The following DENND2B variants were observed in gnomAD, a reference collection of about 807,000 sequenced individuals.
DENND2B encodes the protein DENN domain containing 2B.
DENND2B carries 32 observed loss-of-function variants against 116.0 expected under a neutral mutation model. That is an observed-to-expected ratio of 0.28 (90% CI 0.21 to 0.37). The LOEUF (loss-of-function observed/expected upper bound fraction) is 0.37, where lower values mean the gene tolerates loss of function less well. Ranked by LOEUF, DENND2B falls within the 10% of genes least tolerant of loss-of-function variation. The pLI, the probability that DENND2B is intolerant of heterozygous loss-of-function variation, is 1.00. For missense variants in DENND2B, 1,276 were observed against 1,477.7 expected (o/e 0.86, Z 2.24); for synonymous variants, 588 against 583.9 (o/e 1.01, Z -0.10).
chr11:8,790,708 G>A (rs1365416486), intron 1 of DENND2B, among the ~76,000 whole-genome samples: 2 of 152,178 alleles, frequency 1.3e-5, no homozygotes, highest in Admixed American at 6.5e-5. Context: ...GGTAGAGGCT[G>A]CAGTGAGGTG....
chr11:8,878,590 T>C (rs1313712047), intron 2 of DENND2B, among the ~76,000 whole-genome samples: 2 of 152,102 alleles, frequency 1.3e-5, no homozygotes, highest in African/African-American at 4.8e-5. Flanking sequence ...GGTTTCACCA[T>C]GTTGGCCAAG....
chr11:8,729,353 C>T (rs944925385), intron 3 of DENND2B, among the ~76,000 whole-genome samples: 4 of 152,168 alleles, frequency 2.6e-5, no homozygotes, highest in African/African-American at 7.2e-5. Context: ...AGGAAACCAA[C>T]GTGAGCCTCG....
intron 3 of DENND2B, among the ~76,000 whole-genome samples, chr11:8,728,175 T>G (rs930088205): frequency 1.3e-5 from 2 of 152,108 alleles, no homozygotes; most frequent in African/African-American, 4.8e-5. Flanking sequence ...GCTAATTTTT[T>G]AAATTTTTTG....
intron 1 of DENND2B, among the ~76,000 whole-genome samples, chr11:8,755,918 C>T (rs1184853608): frequency 6.6e-6 from 1 of 152,158 alleles, no homozygotes; most frequent in Non-Finnish European, 1.5e-5. Flanking sequence ...CCTGTATCAG[C>T]CCAGTGCCAA....
intron 1 of DENND2B, among the ~76,000 whole-genome samples, chr11:8,761,864 T>C (rs1593293937): frequency 6.6e-6 from 1 of 152,184 alleles, no homozygotes; most frequent in African/African-American, 2.4e-5. Flanking sequence ...TTACGGAGAC[T>C]ACTCCACCTC....
At chr11:8,827,108 C>A (rs1320337858) in intron 4 of DENND2B, among the ~76,000 whole-genome samples, 1 of 152,202 alleles carries the variant, frequency 6.6e-6, no homozygotes, top group Non-Finnish European at 1.5e-5. Flanking sequence ...TACTTGAGCA[C>A]CACTTAGCCT....
chr11:8,742,021 G>A (rs933078818), intron 2 of DENND2B, among the ~76,000 whole-genome samples: 1 of 152,244 alleles, frequency 6.6e-6, no homozygotes, highest in Non-Finnish European at 1.5e-5. Flanking sequence ...CTCGTGAGTA[G>A]CTGGGAGCAC....
At chr11:8,713,456 T>C (rs1033269800) in intron 8 of DENND2B, among the ~76,000 whole-genome samples, 1 of 152,112 alleles carries the variant, frequency 6.6e-6, no homozygotes, top group African/African-American at 2.4e-5. Flanking sequence ...CTCAGCTCAC[T>C]ACAACCTCCG....
At chr11:8,898,002 G>T (rs564103650) in intron 1 of DENND2B, among the ~76,000 whole-genome samples, 12 of 152,250 alleles carry the variant, frequency 7.9e-5, no homozygotes, top group African/African-American at 2.9e-4. Context: ...TCAAGCTGTT[G>T]GTATCATGCA....
chr11:8,830,258 T>C (rs1266330890), intron 4 of DENND2B, among the ~76,000 whole-genome samples: 1 of 152,198 alleles, frequency 6.6e-6, no homozygotes, highest in Non-Finnish European at 1.5e-5. Flanking sequence ...ATCATCGCCG[T>C]GACACTGGAG....
At chr11:8,745,987 A>G (rs1309403642) in intron 2 of DENND2B, among the ~76,000 whole-genome samples, 2 of 152,216 alleles carry the variant, frequency 1.3e-5, no homozygotes, top group Non-Finnish European at 2.9e-5. Flanking sequence ...GGCAAAATAA[A>G]TATTATTCTA....
intron 1 of DENND2B, among the ~76,000 whole-genome samples, chr11:8,760,923 A>T (rs1469083855): frequency 1.3e-5 from 2 of 152,046 alleles, no homozygotes; most frequent in African/African-American, 4.8e-5. Flanking sequence ...AGGAAAGACA[A>T]TTTTTTTGTT....
At chr11:8,889,424 A>T (rs1192347886) in intron 1 of DENND2B, among the ~76,000 whole-genome samples, 1 of 152,360 alleles carries the variant, frequency 6.6e-6, no homozygotes, top group East Asian at 1.9e-4. Flanking sequence ...CCCAATGAAC[A>T]TGAGCCAAAG....
At chr11:8,827,901 T>G (rs1295373495) in intron 4 of DENND2B, among the ~76,000 whole-genome samples, 2 of 152,174 alleles carry the variant, frequency 1.3e-5, no homozygotes, top group African/African-American at 4.8e-5. Flanking sequence ...AGCCACAAAC[T>G]TCCTTCCTCT....
At chr11:8,807,407 G>A (rs994523063) in intron 1 of DENND2B, among the ~76,000 whole-genome samples, 3 of 152,126 alleles carry the variant, frequency 2.0e-5, no homozygotes, top group African/African-American at 7.2e-5. Context: ...GCCTCTCTTA[G>A]GTCTAGGCTA....
chr11:8,886,086 C>T (rs1162963658), intron 1 of DENND2B, among the ~76,000 whole-genome samples: 2 of 151,918 alleles, frequency 1.3e-5, no homozygotes, highest in East Asian at 3.9e-4. Flanking sequence ...GACTACAGGT[C>T]CACATCAGGC....
At chr11:8,696,792 G>T in intron 17 of DENND2B, 126 bp from the exon 18 acceptor site, 1 of 1,439,008 alleles carries the variant, frequency 6.9e-7, no homozygotes, top group Non-Finnish European at 9.3e-7. Context: ...TGTTCTGGAA[G>T]CTCTTTTTGA....
chr11:8,733,224 G>C (rs986029895), intron 2 of DENND2B, among the ~76,000 whole-genome samples: 5 of 151,790 alleles, frequency 3.3e-5, no homozygotes, highest in Non-Finnish European at 7.4e-5. Context: ...GGCTTGAGGC[G>C]GGGGGAGATC....
intron 1 of DENND2B, among the ~76,000 whole-genome samples, chr11:8,890,332 C>G (rs190820573): frequency 3.9e-5 from 6 of 152,140 alleles, no homozygotes; most frequent in Admixed American, 6.5e-5. Context: ...AAAATCAGAG[C>G]ACATCTCCCC....
Sources: gnomAD v4.1 joint callset for allele counts (sites outside exome capture counted in the v4.1 genomes callset) on GRCh38, gnomAD v4.1.1 for gene constraint, MANE v1.5 for transcripts, NCBI Gene and HGNC (gene_info 2026-07-23, HGNC 2026-07-21) for gene names.